PAPPA2: variants seen among roughly 807,000 people sequenced by gnomAD.
PAPPA2 encodes pappalysin-2.
In PAPPA2, 86 loss-of-function variants were observed where a neutral mutation model predicts 176.4. The observed-to-expected ratio is 0.49, with a 90% CI of 0.41 to 0.58. The LOEUF is 0.58. Ranked by LOEUF, PAPPA2 falls within the 20% of genes least tolerant of loss-of-function variation. PAPPA2 has a pLI of 0.00. For missense variants in PAPPA2, 2,073 were observed against 2,256.9 expected (o/e 0.92, Z 1.65); for synonymous variants, 809 against 852.2 (o/e 0.95, Z 0.88).
chr1:176,765,659 A>G lies in PAPPA2; in HGVS notation c.4152-7A>G. Reference sequence around the variant, plus strand: ...GTCCTAAGATGGTTCTATTTCTCTTATCCCAGCTGTATCCATCGGCCCTGT... The same window carrying G: ...GTCCTAAGATGGTTCTATTTCTCTTGTCCCAGCTGTATCCATCGGCCCTGT... On this transcript the variant is annotated splice_polypyrimidine_tract_variant and splice_region_variant and intron_variant, in intron 14 of 22. Transcript: ENST00000367662. The G allele has an allele frequency of 1.2e-6, 2 of 1,613,182 alleles. No homozygotes were observed. Among genetic ancestry groups the G allele is most frequent in the East Asian group, 2.2e-5 (1 of 44,844 alleles).
At chr1:176,740,470 C>T (rs1662626193) in intron 14 of PAPPA2, among the ~76,000 whole-genome samples, 1 of 152,112 alleles carries the variant, frequency 6.6e-6, no homozygotes, top group South Asian at 2.1e-4. Context: ...ACATATAAAA[C>T]CACCAACTTC....
intron 1 of PAPPA2, among the ~76,000 whole-genome samples, chr1:176,469,726 A>G (rs1376713833): frequency 6.6e-6 from 1 of 152,102 alleles, no homozygotes; most frequent in African/African-American, 2.4e-5. Context: ...CACCTCCCAG[A>G]CACAGGAAGG....
At chr1:176,791,173 ATTTTTTTTTTTTTTT>A (rs57185368) in intron 18 of PAPPA2, among the ~76,000 whole-genome samples, 159 bp from the exon 19 acceptor site, 2 of 80,880 alleles carry the variant, frequency 2.5e-5, no homozygotes, top group South Asian at 4.1e-4. Context: ...AAAGCAAAGA[ATTTTTTTTTTTTTTT>A]TTTTTTTTTT....
chr1:176,473,124 T>TAGG (rs1651957307), intron 1 of PAPPA2, among the ~76,000 whole-genome samples: 2 of 152,202 alleles, frequency 1.3e-5, no homozygotes, highest in Non-Finnish European at 2.9e-5. Flanking sequence ...TATCCACAAT[T>TAGG]ATAATATCCT....
chr1:176,702,398 G>A (rs373949651), intron 8 of PAPPA2, among the ~76,000 whole-genome samples: 7 of 152,372 alleles, frequency 4.6e-5, no homozygotes, highest in African/African-American at 1.7e-4. Flanking sequence ...TCTGTGCAAC[G>A]CACAGGGGAT....
chr1:176,776,150 C>G (rs1418569877), intron 17 of PAPPA2, among the ~76,000 whole-genome samples: 2 of 152,154 alleles, frequency 1.3e-5, no homozygotes, highest in African/African-American at 2.4e-5. Flanking sequence ...GTGTGTTTGA[C>G]TTGTATTTTG....
intron 3 of PAPPA2, among the ~76,000 whole-genome samples, chr1:176,661,227 T>C (rs1292647778): frequency 6.6e-6 from 1 of 152,020 alleles, no homozygotes; most frequent in East Asian, 1.9e-4. Context: ...TCTGAATCAG[T>C]CAAGACATAG....
chr1:176,472,738 A>C (rs1329510364), intron 1 of PAPPA2, among the ~76,000 whole-genome samples: 2 of 152,200 alleles, frequency 1.3e-5, no homozygotes, highest in African/African-American at 4.8e-5. Context: ...TTTTACAAGC[A>C]TAACAGTTTC....
intron 3 of PAPPA2, among the ~76,000 whole-genome samples, chr1:176,600,148 C>T (rs1318172665): frequency 3.3e-5 from 5 of 152,164 alleles, no homozygotes; most frequent in Admixed American, 1.3e-4. Context: ...TAAGGGCTAA[C>T]GATTTGGAGG....
At chr1:176,464,329 T>G (rs1299335288) in intron 1 of PAPPA2, among the ~76,000 whole-genome samples, 4 of 152,218 alleles carry the variant, frequency 2.6e-5, no homozygotes, top group African/African-American at 9.6e-5. Context: ...GAAGTCTGTT[T>G]GTATTTATTC....
chr1:176,480,114 G>C (rs530883015), intron 1 of PAPPA2, among the ~76,000 whole-genome samples: 1 of 152,278 alleles, frequency 6.6e-6, no homozygotes, highest in Admixed American at 6.5e-5. Flanking sequence ...CGGCTGGTGG[G>C]GGAGGGGTCT....
intron 3 of PAPPA2, among the ~76,000 whole-genome samples, chr1:176,650,142 A>G (rs1657634456): frequency 6.6e-6 from 1 of 151,528 alleles, no homozygotes; most frequent in South Asian, 2.1e-4. Context: ...TTGTCATTAT[A>G]TGGTAACCTT....
intron 2 of PAPPA2, among the ~76,000 whole-genome samples, chr1:176,590,435 A>G (rs1247595968): frequency 2.0e-5 from 3 of 152,018 alleles, no homozygotes; most frequent in Non-Finnish European, 4.4e-5. Flanking sequence ...TCTTCAGAGG[A>G]CCAGTTGTTA....
At chr1:176,500,388 A>G (rs1361213533) in intron 1 of PAPPA2, among the ~76,000 whole-genome samples, 1 of 151,434 alleles carries the variant, frequency 6.6e-6, no homozygotes, top group Non-Finnish European at 1.5e-5. Context: ...AAAACATTTC[A>G]ATTTCCTAAT....
intron 1 of PAPPA2, among the ~76,000 whole-genome samples, chr1:176,510,328 A>G (rs1648520290): frequency 6.6e-6 from 1 of 152,204 alleles, no homozygotes; most frequent in South Asian, 2.1e-4. Flanking sequence ...CCAGAAGACA[A>G]TGTAACACCA....
chr1:176,839,908 A>G (rs893751120), intron 21 of PAPPA2, among the ~76,000 whole-genome samples: 15 of 152,218 alleles, frequency 9.9e-5, no homozygotes, highest in African/African-American at 2.9e-4. Flanking sequence ...AAAAAAGTTG[A>G]TCAAAGAGTT....
chr1:176,678,296 T>C (rs1659407919), intron 4 of PAPPA2, among the ~76,000 whole-genome samples: 1 of 152,180 alleles, frequency 6.6e-6, no homozygotes, highest in African/African-American at 2.4e-5. Flanking sequence ...AAGAGAGTAA[T>C]TGGGGCATAT....
At chr1:176,484,968 C>T (rs913233320) in intron 1 of PAPPA2, among the ~76,000 whole-genome samples, 2 of 152,156 alleles carry the variant, frequency 1.3e-5, no homozygotes, top group African/African-American at 4.8e-5. Context: ...CTATATTCAC[C>T]TATCAGTCTC....
intron 2 of PAPPA2, among the ~76,000 whole-genome samples, chr1:176,588,814 G>C (rs1653482356): frequency 6.6e-6 from 1 of 152,186 alleles, no homozygotes; most frequent in African/African-American, 2.4e-5. Context: ...ACAGCTGCTT[G>C]GCTGCCCTGG....
Sources: gnomAD v4.1 joint callset for allele counts (sites outside exome capture counted in the v4.1 genomes callset) on GRCh38, gnomAD v4.1.1 for gene constraint, MANE v1.5 for transcripts, NCBI Gene and HGNC (gene_info 2026-07-23, HGNC 2026-07-21) for gene names.